The following PHTF2 variants were observed in gnomAD, a reference collection of about 807,000 sequenced individuals.
The protein encoded by PHTF2 is putative homeodomain transcription factor 2.
PHTF2 carries 60 observed loss-of-function variants against 101.2 expected under a neutral mutation model. The ratio of observed to expected loss-of-function variants is 0.59; its 90% CI spans 0.48 to 0.73. The LOEUF (loss-of-function observed/expected upper bound fraction) is 0.73, where lower values mean the gene tolerates loss of function less well. Ranked by LOEUF, PHTF2 falls within the 30% of genes least tolerant of loss-of-function variation. PHTF2 has a pLI of 0.00. For synonymous variants in PHTF2, 311 were observed against 307.3 expected, an observed-to-expected ratio of 1.01 and a Z score of -0.13; for missense variants, 747 against 908.7, an observed-to-expected ratio of 0.82 and a Z score of 2.29.
intron 12 of PHTF2, 117 bp from the exon 12 acceptor site, chr7:77,937,588 TTTTTA>T (rs1257954875): frequency 6.8e-5 from 24 of 352,838 alleles, no homozygotes; most frequent in African/African-American, 4.7e-4. Flanking sequence ...TATTCACCAA[TTTTTA>T]TTTTTAGTGT....
At chr7:77,866,261 A>T (rs548190111) in intron 3 of PHTF2, among the ~76,000 whole-genome samples, 2 of 152,092 alleles carry the variant, frequency 1.3e-5, no homozygotes, top group Admixed American at 6.6e-5. Context: ...GCTCTACATG[A>T]TGTTAATAAG....
At chr7:77,944,448 C>G (rs1358193008) in intron 16 of PHTF2, among the ~76,000 whole-genome samples, 1 of 152,206 alleles carries the variant, frequency 6.6e-6, no homozygotes, top group Non-Finnish European at 1.5e-5. Flanking sequence ...TATAACTCTT[C>G]CCTTACTACA....
At chr7:77,931,724 G>T (rs1804587482) in intron 12 of PHTF2, among the ~76,000 whole-genome samples, 1 of 152,128 alleles carries the variant, frequency 6.6e-6, no homozygotes, top group African/African-American at 2.4e-5. Context: ...AACTTTAGAA[G>T]ATAGGCACTA....
At chr7:77,954,726 T>A (rs1026037080) in intron 19 of PHTF2, 132 bp from the exon 19 acceptor site, 2 of 520,506 alleles carry the variant, frequency 3.8e-6, no homozygotes, top group Admixed American at 7.5e-5. Flanking sequence ...CTTAAAAGGA[T>A]AAAGGAGTTA....
chr7:77,942,480 A>G (rs750049699), intron 15 of PHTF2, among the ~76,000 whole-genome samples: 3 of 152,220 alleles, frequency 2.0e-5, no homozygotes, highest in African/African-American at 4.8e-5. Context: ...ATTTTATGCT[A>G]TATAAATATA....
intron 11 of PHTF2, chr7:77,923,148 A>G: frequency 1.0e-6 from 1 of 978,398 alleles, no homozygotes; most frequent in Non-Finnish European, 1.2e-6. Flanking sequence ...AACTTCCTTC[A>G]TATTGCTGTC....
intron 3 of PHTF2, among the ~76,000 whole-genome samples, chr7:77,883,137 C>A (rs937256353): frequency 6.6e-6 from 1 of 151,632 alleles, no homozygotes. Flanking sequence ...CAAATTTGTT[C>A]GAGAAGTAGT....
chr7:77,916,704 A>G (rs1304296433), intron 9 of PHTF2, among the ~76,000 whole-genome samples: 3 of 152,190 alleles, frequency 2.0e-5, no homozygotes, highest in South Asian at 4.2e-4. Flanking sequence ...TATAAATGGT[A>G]TAATATTTGC....
At chr7:77,928,036 A>G (rs1804219022) in intron 11 of PHTF2, among the ~76,000 whole-genome samples, 1 of 152,208 alleles carries the variant, frequency 6.6e-6, no homozygotes, top group African/African-American at 2.4e-5. Context: ...AAGAAGAGGA[A>G]GGCCTTTTAG....
In PHTF2 at chr7:77,863,393, G is replaced by T. The variant is rs149693758; in HGVS notation, c.147+8559G>T. On this transcript the variant is annotated intron_variant, in intron 3 of 19. Transcript: ENST00000416283. The stretch of plus-strand genomic sequence containing the variant: ...CAATCTCAAAATGGTAGGCAGCAGG[G>T]TGTATTTCTAATTACTGCTGTTTTG... 9.8e-3 allele frequency among the ~76,000 whole-genome samples: 1,498 copies of T among 152,258 alleles called. 10 individuals are homozygous for T. The highest frequency in any genetic ancestry group is 0.037 in the Middle Eastern group (11 of 294).
intron 3 of PHTF2, among the ~76,000 whole-genome samples, chr7:77,858,385 A>G (rs1797349661): frequency 6.6e-6 from 1 of 152,168 alleles, no homozygotes; most frequent in African/African-American, 2.4e-5. Context: ...TTTAGAGGTT[A>G]TCTAGTTCCT....
chr7:77,879,817 A>T (rs1455171563), intron 3 of PHTF2, among the ~76,000 whole-genome samples: 3 of 152,186 alleles, frequency 2.0e-5, no homozygotes, highest in Non-Finnish European at 4.4e-5. Flanking sequence ...GATTTTGAGC[A>T]GTGGCAGTTG....
chr7:77,902,777 A>T (rs1801517959), intron 7 of PHTF2, among the ~76,000 whole-genome samples: 1 of 152,092 alleles, frequency 6.6e-6, no homozygotes, highest in Admixed American at 6.5e-5. Flanking sequence ...TTATCAACAG[A>T]TTCTAAGAGA....
intron 17 of PHTF2, among the ~76,000 whole-genome samples, chr7:77,950,943 G>A (rs1230420966): frequency 2.6e-5 from 4 of 152,280 alleles, no homozygotes; most frequent in East Asian, 1.9e-4. Flanking sequence ...TGGTTTGGGT[G>A]TACATTCCAG....
Position 77,910,348 on chromosome 7 carries a change from A to G in PHTF2, c.715A>G (p.Thr239Ala), listed in dbSNP as rs1207804913. ...AGCAGTTCAGAACCACGGTACAAGC[A>G]CCTCTCACAGCGTTGGCACTGTCTT... is the stretch of plus-strand genomic sequence containing the variant. The change falls in exon 9 of 20, where the codon ACC becomes GCC. Residue 239 changes from threonine to alanine, a missense_variant. Coordinates refer to ENST00000416283, the Ensembl canonical transcript of PHTF2. 1.2e-6 allele frequency: 2 copies of G among 1,613,754 alleles called. No individual in the cohort carries two copies. The highest frequency in any genetic ancestry group is 1.7e-5 in the Admixed American group (1 of 60,018).
intron 14 of PHTF2, 75 bp from the exon 14 acceptor site, chr7:77,940,453 C>G: frequency 7.5e-7 from 1 of 1,341,672 alleles, no homozygotes; most frequent in South Asian, 1.5e-5. Context: ...AAAATCTTAA[C>G]AATTCATATT....
At chr7:77,880,631 TCCCGCTTGGATTGATAC>T (rs751918382) in intron 3 of PHTF2, among the ~76,000 whole-genome samples, 21 of 152,170 alleles carry the variant, frequency 1.4e-4, no homozygotes, top group Non-Finnish European at 1.8e-4. Context: ...CTCCTTCACA[TCCCGCTTGGATTGATAC>T]CCCATGCCTG....
chr7:77,850,932 C>G (rs1242339297), intron 2 of PHTF2, among the ~76,000 whole-genome samples: 1 of 152,058 alleles, frequency 6.6e-6, no homozygotes, highest in African/African-American at 2.4e-5. Flanking sequence ...GATTCATTTG[C>G]ATATGTTGAA....
At chr7:77,901,457 CAACAAACA>C (rs3084625) in intron 6 of PHTF2, among the ~76,000 whole-genome samples, 21 of 150,760 alleles carry the variant, frequency 1.4e-4, no homozygotes, top group African/African-American at 4.4e-4. Flanking sequence ...GATCCTATCT[CAACAAACA>C]AACAAACAAA....
Sources: allele counts gnomAD v4.1 joint callset (sites outside exome capture counted in the v4.1 genomes callset), GRCh38; gene constraint gnomAD v4.1.1; transcripts MANE v1.5; gene names NCBI Gene and HGNC (gene_info 2026-07-23, HGNC 2026-07-21).